Variants in PCDHGA12 observed in about 807,000 individuals in gnomAD.
PCDHGA12 encodes the protein protocadherin gamma-A12.
In PCDHGA12, 43 loss-of-function variants were observed where a neutral mutation model predicts 61.1. That is an observed-to-expected ratio of 0.70 (90% CI 0.55 to 0.91). The LOEUF (loss-of-function observed/expected upper bound fraction) is 0.91, where lower values mean the gene tolerates loss of function less well. Ranked by LOEUF, PCDHGA12 falls within the 40% of genes least tolerant of loss-of-function variation. The probability of loss-of-function intolerance (pLI) is 0.00; values close to 1 mark genes in which losing one functional copy is unlikely to be tolerated. For missense variants in PCDHGA12, 1,236 were observed against 1,227.7 expected, an observed-to-expected ratio of 1.01 and a Z score of -0.10; for synonymous variants, 520 against 542.9, an observed-to-expected ratio of 0.96 and a Z score of 0.59.
In PCDHGA12 at chr5:141,430,769, G is replaced by T; in HGVS notation, c.10G>T (p.Ala4Ser). 6.6e-7 allele frequency: 1 copy of T among 1,508,212 alleles called. No homozygotes were observed. The highest frequency in any genetic ancestry group is 8.9e-7 in the Non-Finnish European group (1 of 1,129,914). The allele number at this position is 1,508,212 out of a possible 1,614,324, so 93.4% of individuals were successfully genotyped here. ...CTGGAGGAAGATAAGAATGATTCCT[G>T]CGCGACTGCACCGGGACTACAAAGG... MIP[A>S]RLHRDYKGLV... is the part of the protein sequence containing the mutation. The change falls in exon 1 of 4, where the codon GCG becomes TCG. Residue 4 changes from alanine to serine, a missense_variant. Ala to Ser is a moderately conservative substitution (Grantham distance 99, BLOSUM62 1). Transcript: ENST00000252085.
chr5:141,510,986 G>A lies in PCDHGA12; in HGVS notation c.2612G>A (p.Gly871Asp), dbSNP rs754203270. The A allele has an allele frequency of 6.2e-7, 1 of 1,614,166 alleles. No individual in the cohort carries two copies. The highest frequency in any genetic ancestry group is 8.5e-7 in the Non-Finnish European group (1 of 1,180,012). The change falls in exon 4 of 4, where the codon GGC becomes GAC. Residue 871 changes from glycine to aspartate, a missense_variant. Physicochemically the swap from Gly to Asp is moderately conservative, Grantham distance 94. Transcript: ENST00000252085. ...DGSSTLGGGA[G>D]TMGLSARYGP... ...AGCTCCACCCTGGGAGGGGGTGCCG[G>A]CACCATGGGATTGAGCGCCCGCTAC... is the stretch of plus-strand genomic sequence containing the variant.
rs1309165721 is a variant in PCDHGA12 at position 141,430,655 on chromosome 5, G to A, written c.-105G>A. On this transcript the variant is annotated 5_prime_UTR_variant, in exon 1 of 4. Coordinates refer to ENST00000252085, the MANE Select transcript of PCDHGA12 (RefSeq NM_003735.3). Reference sequence around the variant, plus strand: ...ATCCCTGGGAGTATGTGGAAACAACGGAGGAGCTCTGACTTCCCAACTGTC... The same window carrying A: ...ATCCCTGGGAGTATGTGGAAACAACAGAGGAGCTCTGACTTCCCAACTGTC... 4.6e-6 allele frequency: 5 copies of A among 1,084,938 alleles called. No individual in the cohort carries two copies. In the East Asian group the frequency reaches 7.8e-5, roughly 17 times the overall value. 67.2% of individuals were successfully genotyped at this position (1,084,938 alleles called of 1,614,324 possible).
intron 1 of PCDHGA12, among the ~76,000 whole-genome samples, chr5:141,473,698 T>A (rs2099327181): frequency 6.6e-6 from 1 of 152,166 alleles, no homozygotes; most frequent in Non-Finnish European, 1.5e-5. Context: ...CTGACCACCC[T>A]CCAAGTGGTG....
intron 1 of PCDHGA12, among the ~76,000 whole-genome samples, chr5:141,481,250 C>A (rs1160186962): frequency 2.6e-5 from 4 of 152,144 alleles, no homozygotes; most frequent in Non-Finnish European, 5.9e-5. Context: ...TAGCATAGCT[C>A]TAAAAGATCA....
At chr5:141,510,334 C>G (rs1463634534) in intron 3 of PCDHGA12, among the ~76,000 whole-genome samples, 1 of 151,448 alleles carries the variant, frequency 6.6e-6, no homozygotes, top group African/African-American at 2.4e-5. Context: ...TCTTCACCCC[C>G]ACCCCACACA....
intron 2 of PCDHGA12, among the ~76,000 whole-genome samples, chr5:141,496,474 T>A (rs2099769027): frequency 6.6e-6 from 1 of 152,140 alleles, no homozygotes; most frequent in African/African-American, 2.4e-5. Context: ...CTTTCCCCCA[T>A]CCTGCAACCA....
rs1347978078 is a variant in PCDHGA12, at chr5:141,486,800, C to G, written c.2425-8007C>G. ...GGTGCAGGCCCGGGATCGGGGCAAC[C>G]CACCCCTTAGCAGCACTGTAACAGT... On this transcript the variant is annotated intron_variant, in intron 1 of 3. Coordinates refer to ENST00000252085, the MANE Select transcript of PCDHGA12 (RefSeq NM_003735.3). The surrounding 1 kb of genome is among the most constrained non-coding windows in gnomAD (Gnocchi z 5.0). 1.9e-6 allele frequency: 3 copies of G among 1,614,104 alleles called. No individual in the cohort carries two copies. In the Admixed American group the frequency reaches 5.0e-5, roughly 27 times the overall value.
Position 141,487,171 on chromosome 5 carries a change from G to C in PCDHGA12, c.2425-7636G>C. ...CTGTTACTCTCTTAGTGTCCTTAGA[G>C]GAAGACACTCATCCAGTTGTCCCAG... On this transcript the variant is annotated intron_variant, in intron 1 of 3. Transcript: ENST00000252085. The surrounding 1 kb of genome is among the most constrained non-coding windows in gnomAD (Gnocchi z 5.0). 1 of 1,612,938 alleles carries C rather than the reference G, an allele frequency of 6.2e-7. No individual in the cohort carries two copies. Among genetic ancestry groups the C allele is most frequent in the Non-Finnish European group, 8.5e-7 (1 of 1,178,910 alleles).
At chr5:141,456,197 C>T (rs1353243708) in intron 1 of PCDHGA12, among the ~76,000 whole-genome samples, 1 of 152,090 alleles carries the variant, frequency 6.6e-6, no homozygotes, top group Non-Finnish European at 1.5e-5. Context: ...ATAACTCCTA[C>T]CACATTCCTC....
At position 141,490,370 on chromosome 5, in the gene PCDHGA12, G is replaced by A. The variant is rs768474199; in HGVS notation, c.2425-4437G>A. Reference sequence around the variant, plus strand: ...GTGGGGTTGTTTAATGTGCGAGACCGGGACTCAGGTAGAAATGGTGAAGTG... The same window carrying A: ...GTGGGGTTGTTTAATGTGCGAGACCAGGACTCAGGTAGAAATGGTGAAGTG... On this transcript the variant is annotated intron_variant, in intron 1 of 3. Coordinates refer to ENST00000252085, the MANE Select transcript of PCDHGA12 (RefSeq NM_003735.3). The surrounding 1 kb of genome is among the most constrained non-coding windows in gnomAD (Gnocchi z 5.4). 32 of 1,614,054 alleles carry A rather than the reference G, an allele frequency of 2.0e-5. No homozygotes were observed. The highest frequency in any genetic ancestry group is 1.0e-4 in the Admixed American group (6 of 60,006).
At chr5:141,436,384 CT>C (rs768914860) in intron 1 of PCDHGA12, among the ~76,000 whole-genome samples, 1 of 152,104 alleles carries the variant, frequency 6.6e-6, no homozygotes, top group Non-Finnish European at 1.5e-5. Context: ...GCTGAATAGG[CT>C]TTATTAAATA....
At chr5:141,450,241 C>T (rs1236675009) in intron 1 of PCDHGA12, among the ~76,000 whole-genome samples, 1 of 152,094 alleles carries the variant, frequency 6.6e-6, no homozygotes, top group East Asian at 1.9e-4. Flanking sequence ...TAGTCTTGAA[C>T]TCCTGACCTC....
chr5:141,431,411 G>A lies in PCDHGA12; in HGVS notation c.652G>A (p.Gly218Ser). Residue 218 changes from glycine (G) to serine (S), a missense_variant, in exon 1 of 4, where the codon GGC becomes AGC. Gly to Ser is a moderately conservative substitution (Grantham distance 56). Coordinates refer to ENST00000252085, the MANE Select transcript of PCDHGA12 (RefSeq NM_003735.3). This position sits in a 1 kb window ranked among gnomAD's most constrained non-coding sequence, Gnocchi z 4.8. The part of the protein sequence containing the change: ...HHLVLTASDG[G>S]DPVRTGTARI... ...CCTGGTCCTTACGGCCTCCGACGGG[G>A]GCGACCCGGTGCGCACAGGCACCGC... 3 of 1,613,728 alleles carry A rather than the reference G, an allele frequency of 1.9e-6. No individual in the cohort carries two copies. The highest frequency in any genetic ancestry group is 2.5e-6 in the Non-Finnish European group (3 of 1,180,038).
intron 1 of PCDHGA12, among the ~76,000 whole-genome samples, chr5:141,468,131 C>A (rs1006565854): frequency 1.3e-5 from 2 of 151,650 alleles, no homozygotes; most frequent in South Asian, 4.2e-4. Context: ...TTGAGACCAG[C>A]CTGGCCAACA....
chr5:141,438,180 A>G (rs2097937602), intron 1 of PCDHGA12, among the ~76,000 whole-genome samples: 1 of 152,204 alleles, frequency 6.6e-6, no homozygotes, highest in African/African-American at 2.4e-5. Context: ...AATATTTTAT[A>G]AAGGATGAGA....
chr5:141,502,470 G>A (rs1017558920), intron 2 of PCDHGA12, among the ~76,000 whole-genome samples: 5 of 150,916 alleles, frequency 3.3e-5, no homozygotes, highest in Admixed American at 2.6e-4. Flanking sequence ...AATACTTCCC[G>A]CAGCATCACA....
chr5:141,444,710 T>A (rs2098445001), intron 1 of PCDHGA12, among the ~76,000 whole-genome samples: 1 of 152,236 alleles, frequency 6.6e-6, no homozygotes, highest in Admixed American at 6.5e-5. Flanking sequence ...TTCTGTTGAA[T>A]TTGCTTGGTG....
At chr5:141,474,854 T>G (rs1007461186) in intron 1 of PCDHGA12, among the ~76,000 whole-genome samples, 3 of 152,260 alleles carry the variant, frequency 2.0e-5, no homozygotes, top group African/African-American at 7.2e-5. Flanking sequence ...CCTGCCTTCT[T>G]CATTTAATAG....
chr5:141,507,522 C>G (rs560304194), intron 3 of PCDHGA12, among the ~76,000 whole-genome samples: 365 of 152,096 alleles, frequency 2.4e-3, no homozygotes, highest in African/African-American at 8.1e-3. Context: ...GCTATGATTC[C>G]AGAGAGGCCA....
Sources: allele counts gnomAD v4.1 joint callset (sites outside exome capture counted in the v4.1 genomes callset), GRCh38; gene constraint gnomAD v4.1.1; non-coding constraint Gnocchi (gnomAD v3.1); transcripts MANE v1.5; gene names NCBI Gene and HGNC (gene_info 2026-07-23, HGNC 2026-07-21).